TMEM156: variants seen among roughly 807,000 people sequenced by gnomAD.
TMEM156 encodes the protein transmembrane protein 156.
Under a neutral mutation model 30.5 loss-of-function variants are expected in TMEM156, and 28 were observed. The observed-to-expected ratio is 0.92, with a 90% CI of 0.68 to 1.26. The LOEUF is 1.26. Ranked by LOEUF, TMEM156 falls within the 50% of genes most tolerant of loss-of-function variation. The probability of loss-of-function intolerance (pLI) is 0.00; values close to 1 mark genes in which losing one functional copy is unlikely to be tolerated. For synonymous variants in TMEM156, 137 were observed against 119.9 expected, an observed-to-expected ratio of 1.14 and a Z score of -0.93; for missense variants, 351 against 340.6, an observed-to-expected ratio of 1.03 and a Z score of -0.24.
At chr4:38,992,921 C>G (rs184271944) in intron 3 of TMEM156, among the ~76,000 whole-genome samples, 1 of 150,280 alleles carries the variant, frequency 6.7e-6, no homozygotes, top group Non-Finnish European at 1.5e-5. Context: ...GCCACCACAC[C>G]CAGCTAATTT....
At chr4:38,987,785 A>G (rs1399201496) in intron 4 of TMEM156, among the ~76,000 whole-genome samples, 1 of 152,244 alleles carries the variant, frequency 6.6e-6, no homozygotes, top group Non-Finnish European at 1.5e-5. Flanking sequence ...CATAATTTAA[A>G]TAACTTGCTT....
chr4:38,994,471 C>T (rs1366769882), intron 2 of TMEM156, among the ~76,000 whole-genome samples: 1 of 152,056 alleles, frequency 6.6e-6, no homozygotes, highest in Non-Finnish European at 1.5e-5. Context: ...ATCATGAAAA[C>T]CAGGTTGTGG....
chr4:39,029,972 T>C (rs6850471), intron 1 of TMEM156, among the ~76,000 whole-genome samples: 10,955 of 152,124 alleles, frequency 0.072, 633 homozygotes, highest in South Asian at 0.25. Context: ...AAATTCCTTC[T>C]ACCACTAAAT....
At chr4:38,993,663 T>C (rs920656364) in intron 3 of TMEM156, 75 bp downstream of exon 3, 1 of 1,293,486 alleles carries the variant, frequency 7.7e-7, no homozygotes, top group Non-Finnish European at 1.1e-6. Flanking sequence ...TTTCAGTTAA[T>C]GTGATAGCCC....
intron 1 of TMEM156, among the ~76,000 whole-genome samples, chr4:39,029,955 C>T (rs1432169459): frequency 1.3e-5 from 2 of 151,930 alleles, no homozygotes; most frequent in African/African-American, 2.4e-5. Context: ...TATGGCAGCT[C>T]TGTGCAAAAT....
intron 2 of TMEM156, among the ~76,000 whole-genome samples, chr4:38,995,045 T>C (rs1200533901): frequency 6.6e-6 from 1 of 152,212 alleles, no homozygotes; most frequent in Non-Finnish European, 1.5e-5. Context: ...GCCCCTCTCC[T>C]AGCTAATGGT....
At chr4:39,007,878 G>A (rs1046543509) in intron 1 of TMEM156, among the ~76,000 whole-genome samples, 1 of 151,898 alleles carries the variant, frequency 6.6e-6, no homozygotes, top group African/African-American at 2.4e-5. Flanking sequence ...TTCCTCCTAG[G>A]CGCCTTGCTT....
In TMEM156 at chr4:39,017,519, A is replaced by C. The variant is rs184421902; in HGVS notation, c.88+14707T>G. Among the ~76,000 whole-genome samples the C allele has an allele frequency of 2.0e-5, 3 of 152,184 alleles. No individual in the cohort carries two copies. The East Asian group carries it at 5.8e-4, about 29-fold the overall frequency. On this transcript the variant is annotated intron_variant, in intron 1 of 6. Transcript: ENST00000381938. ...ATTCCCTGAAAAGAATATGTGTTCC[A>C]GATGTTGAGTTCAATATTCTAAATA...
intron 1 of TMEM156, among the ~76,000 whole-genome samples, chr4:39,018,428 GT>G (rs1193583893): frequency 5.9e-5 from 9 of 152,026 alleles, no homozygotes; most frequent in Admixed American, 2.6e-4. Flanking sequence ...TGTTGTTGAG[GT>G]TTTTTTCCCT....
chr4:38,988,931 A>T lies in TMEM156; in HGVS notation c.659T>A (p.Val220Asp). 6.2e-7 allele frequency: 1 copy of T among 1,612,606 alleles called. No homozygotes were observed. Among genetic ancestry groups the T allele is most frequent in the Non-Finnish European group, 8.5e-7 (1 of 1,178,724 alleles). ...CSMKITWYILVLLVFIFLIIL... is the reference protein window; with the variant it reads ...CSMKITWYILDLLVFIFLIIL... ...GATCAAAAATATAAAAACTAATAGA[A>T]CTAAAATATACCAAGTGATCTTCAT... Residue 220 changes from valine (V) to aspartate (D), a missense_variant, in exon 4 of 7, where the codon GTT becomes GAT. By Grantham distance (152) the Val-to-Asp change is radical. Coordinates refer to ENST00000381938, the MANE Select transcript of TMEM156 (RefSeq NM_024943.3).
At position 39,019,605 on chromosome 4, in the gene TMEM156, T is replaced by C. The variant is rs1489234751; in HGVS notation, c.88+12621A>G. Among the ~76,000 whole-genome samples, 5 of 152,190 alleles carry C rather than the reference T, an allele frequency of 3.3e-5. No homozygotes were observed. In the East Asian group the frequency reaches 9.6e-4, roughly 29 times the overall value. On this transcript the variant is annotated intron_variant, in intron 1 of 6. Coordinates refer to ENST00000381938, the MANE Select transcript of TMEM156 (RefSeq NM_024943.3). ...GTTGCTATTTTTGCTATTTTCCCAA[T>C]CACAGTACCTTACATTTTGCTTTAA...
intron 1 of TMEM156, among the ~76,000 whole-genome samples, chr4:39,012,881 A>C (rs752969158): frequency 6.6e-6 from 1 of 152,048 alleles, no homozygotes; most frequent in Non-Finnish European, 1.5e-5. Flanking sequence ...CAGACGTTGC[A>C]GTGAGCCGAG....
chr4:38,992,682 T>TATATAATATATTATTAATATA (rs374942430), intron 3 of TMEM156, among the ~76,000 whole-genome samples: 1 of 45,670 alleles, frequency 2.2e-5, no homozygotes, highest in African/African-American at 7.1e-5. Flanking sequence ...ATATAATATA[T>TATATAATATATTATTAATATA]TATATAATAT....
chr4:39,005,868 C>T (rs1372367135), intron 1 of TMEM156, among the ~76,000 whole-genome samples: 1 of 152,244 alleles, frequency 6.6e-6, no homozygotes, highest in African/African-American at 2.4e-5. Flanking sequence ...TGGTTTGTAT[C>T]AATTTATATT....
rs991544449 is a variant in TMEM156 at position 39,011,043 on chromosome 4, T to G, written c.89-12134A>C. Among the ~76,000 whole-genome samples the G allele has an allele frequency of 9.2e-5, 14 of 151,980 alleles. 1 individual carries two copies. Among genetic ancestry groups the G allele is most frequent in the Admixed American group, 8.5e-4 (13 of 15,240 alleles). Reference sequence around the variant, plus strand: ...ACTAAGGGCTAATATACAAAATCTATAAGGAACTGAAACAAACCAACAAGA... The same window carrying G: ...ACTAAGGGCTAATATACAAAATCTAGAAGGAACTGAAACAAACCAACAAGA... On this transcript the variant is annotated intron_variant, in intron 1 of 6. Coordinates refer to ENST00000381938, the MANE Select transcript of TMEM156 (RefSeq NM_024943.3).
intron 1 of TMEM156, among the ~76,000 whole-genome samples, chr4:39,000,712 C>A (rs1377975950): frequency 6.6e-6 from 1 of 151,784 alleles, no homozygotes; most frequent in Admixed American, 6.6e-5. Flanking sequence ...CATAGTGAAA[C>A]CTCATCTCTA....
chr4:38,988,653 C>CTCAG (rs1712182250), intron 4 of TMEM156, among the ~76,000 whole-genome samples, 198 bp downstream of exon 4: 1 of 151,656 alleles, frequency 6.6e-6, no homozygotes, highest in Non-Finnish European at 1.5e-5. Flanking sequence ...TCTTCTCTTA[C>CTCAG]TTGCCCGAGT....
chr4:39,008,349 T>C (rs990754003), intron 1 of TMEM156, among the ~76,000 whole-genome samples: 2 of 152,184 alleles, frequency 1.3e-5, no homozygotes, highest in African/African-American at 4.8e-5. Context: ...AATTGAATGC[T>C]CTTTCAACAA....
intron 1 of TMEM156, among the ~76,000 whole-genome samples, chr4:39,012,177 T>C (rs1714172379): frequency 6.6e-6 from 1 of 152,162 alleles, no homozygotes; most frequent in Non-Finnish European, 1.5e-5. Context: ...AATTTAAAAA[T>C]GATATAGTAC....
Sources: allele counts gnomAD v4.1 joint callset (sites outside exome capture counted in the v4.1 genomes callset), GRCh38; gene constraint gnomAD v4.1.1; transcripts MANE v1.5; gene names NCBI Gene and HGNC (gene_info 2026-07-23, HGNC 2026-07-21).